ANOS1: variants seen among roughly 807,000 people sequenced by gnomAD.
ANOS1 encodes the protein anosmin-1.
Under a neutral mutation model 59.0 loss-of-function variants are expected in ANOS1, and 6 were observed. That is an observed-to-expected ratio of 0.10 (90% CI 0.06 to 0.20). The LOEUF (loss-of-function observed/expected upper bound fraction) is 0.20. ANOS1 is among the 10% of genes least tolerant of loss of function. The pLI, the probability that ANOS1 is intolerant of heterozygous loss-of-function variation, is 1.00. For synonymous variants in ANOS1, 217 were observed against 223.4 expected (o/e 0.97, Z 0.25); for missense variants, 433 against 542.3 (o/e 0.80, Z 2.00).
chrX:8,587,784 A>T lies in ANOS1; in HGVS notation c.726+10T>A. 8.4e-7 allele frequency: 1 copy of T among 1,188,085 alleles called. No individual in the cohort carries two copies. The highest frequency in any genetic ancestry group is 1.1e-6 in the Non-Finnish European group (1 of 878,411). On this transcript the variant is annotated intron_variant, in intron 5 of 13. Coordinates refer to ENST00000262648, the MANE Select transcript of ANOS1 (RefSeq NM_000216.4). ...CAGGATGAAAATCAAAGTCTATATG[A>T]GGTTCTTACCTGGGCCACTGTCTGC...
At chrX:8,542,226 C>A (rs1929701879) in intron 9 of ANOS1, among the ~76,000 whole-genome samples, 1 of 111,543 alleles carries the variant, frequency 9.0e-6, no homozygotes, top group African/African-American at 3.3e-5. Flanking sequence ...GCTGATGCTC[C>A]CTCCTTCCTC....
At chrX:8,595,639 A>C (rs896477009) in intron 4 of ANOS1, among the ~76,000 whole-genome samples, 15 of 111,949 alleles carry the variant, frequency 1.3e-4, no homozygotes, top group Admixed American at 1.1e-3. Flanking sequence ...CATTTTTTTT[A>C]AGTACCAGTA....
chrX:8,630,786 T>A (rs757897897), intron 2 of ANOS1, among the ~76,000 whole-genome samples: 1 of 112,662 alleles, frequency 8.9e-6, no homozygotes, highest in Non-Finnish European at 1.9e-5. Flanking sequence ...GAACAGAAGA[T>A]GGATTAGAGA....
chrX:8,725,051 T>C (rs1932901081), intron 1 of ANOS1, among the ~76,000 whole-genome samples: 2 of 112,015 alleles, frequency 1.8e-5, no homozygotes, highest in Admixed American at 1.9e-4. Context: ...TGAGCTTAGA[T>C]GATGCCCAGA....
At chrX:8,540,771 C>T (rs1453214913) in intron 9 of ANOS1, among the ~76,000 whole-genome samples, 1 of 108,536 alleles carries the variant, frequency 9.2e-6, no homozygotes, top group Non-Finnish European at 1.9e-5. Context: ...CACTTTGGAA[C>T]CAGAAAAGAA....
At chrX:8,597,659 T>C (rs1475507404) in intron 3 of ANOS1, among the ~76,000 whole-genome samples, 5 of 2,860 alleles carry the variant, frequency 1.7e-3, no homozygotes, top group African/African-American at 4.9e-3. Context: ...TCTTTCTCCC[T>C]TTTTTTTTTT....
rs1057432449 is a variant in ANOS1, at chrX:8,547,381, T to C, written c.1354+6571A>G. Among the ~76,000 whole-genome samples, 27 of 112,034 alleles carry C rather than the reference T, an allele frequency of 2.4e-4. 1 individual carries two copies. The highest frequency in any genetic ancestry group is 8.1e-4 in the African/African-American group (25 of 30,804). ...TCATGTCCTGGGCCAGAAGTGTTCA[T>C]CTTCCCTGGCCAAAAAAAGTAATCC... On this transcript the variant is annotated intron_variant, in intron 9 of 13. Transcript: ENST00000262648.
chrX:8,566,606 G>A (rs1411592499), intron 8 of ANOS1, among the ~76,000 whole-genome samples: 2 of 110,839 alleles, frequency 1.8e-5, no homozygotes, highest in African/African-American at 6.6e-5. Context: ...ATTTCAATGC[G>A]ATGGGTAGAT....
At chrX:8,702,551 C>T (rs1347297032) in intron 1 of ANOS1, among the ~76,000 whole-genome samples, 2 of 111,476 alleles carry the variant, frequency 1.8e-5, no homozygotes, top group Non-Finnish European at 3.8e-5. Flanking sequence ...GCATGTTGCA[C>T]GGTGTGTAGA....
At chrX:8,639,576 T>C (rs941219787) in intron 2 of ANOS1, among the ~76,000 whole-genome samples, 1 of 112,122 alleles carries the variant, frequency 8.9e-6, no homozygotes, top group African/African-American at 3.2e-5. Context: ...ATTTACAGAA[T>C]GCTTCTCTTC....
intron 1 of ANOS1, among the ~76,000 whole-genome samples, chrX:8,721,056 A>G (rs1387374617): frequency 8.9e-6 from 1 of 112,123 alleles, no homozygotes; most frequent in Non-Finnish European, 1.9e-5. Context: ...ATTGGTTAGA[A>G]GAATGAATTG....
intron 2 of ANOS1, among the ~76,000 whole-genome samples, chrX:8,653,022 A>G (rs1253090892): frequency 1.8e-5 from 2 of 108,799 alleles, no homozygotes; most frequent in Non-Finnish European, 3.8e-5. Flanking sequence ...CACTCGGCTA[A>G]TTTTTGTATT....
chrX:8,548,763 G>A (rs1929810112), intron 9 of ANOS1, among the ~76,000 whole-genome samples: 1 of 112,254 alleles, frequency 8.9e-6, no homozygotes, highest in Non-Finnish European at 1.9e-5. Context: ...GTTTTGGCCA[G>A]CCACAAAGAG....
chrX:8,558,065 C>T (rs893197567), intron 8 of ANOS1, among the ~76,000 whole-genome samples: 5 of 110,145 alleles, frequency 4.5e-5, no homozygotes, highest in East Asian at 2.9e-4. Flanking sequence ...AGCAAACTAA[C>T]GCAGGAACAG....
At chrX:8,554,600 G>C (rs1929919749) in intron 8 of ANOS1, among the ~76,000 whole-genome samples, 1 of 87,870 alleles carries the variant, frequency 1.1e-5, no homozygotes, top group African/African-American at 4.4e-5. Flanking sequence ...ATGGAGTCTC[G>C]CTCTGTCGCC....
intron 6 of ANOS1, among the ~76,000 whole-genome samples, chrX:8,574,802 T>A (rs1930293374): frequency 9.0e-6 from 1 of 111,532 alleles, no homozygotes; most frequent in African/African-American, 3.3e-5. Context: ...CTTGGGATTG[T>A]GTGAGTCAAT....
At chrX:8,583,589 C>T (rs754375381) in intron 6 of ANOS1, among the ~76,000 whole-genome samples, 20 of 111,436 alleles carry the variant, frequency 1.8e-4, no homozygotes, top group East Asian at 5.6e-4. Context: ...GTTAAACTCC[C>T]GTCATTCTAG....
chrX:8,601,101 G>A (rs1930833868), intron 3 of ANOS1, among the ~76,000 whole-genome samples: 1 of 107,152 alleles, frequency 9.3e-6, no homozygotes, highest in South Asian at 4.3e-4. Context: ...GCTGAGGCAG[G>A]AGAATGGCAT....
rs183256537 is a variant in ANOS1, at chrX:8,543,527, G to A, written c.1355-3769C>T. Among the ~76,000 whole-genome samples, 774 of 110,880 alleles carry A rather than the reference G, an allele frequency of 7.0e-3. 7 individuals are homozygous for A. The highest frequency in any genetic ancestry group is 0.024 in the African/African-American group (731 of 30,454). On this transcript the variant is annotated intron_variant, in intron 9 of 13. Transcript: ENST00000262648. ...TAAAATCCTAAGAGCTTGTATTTTA[G>A]GTTATGACTGCAGGTCTCAATCTGT...
Sources: allele counts gnomAD v4.1 joint callset (sites outside exome capture counted in the v4.1 genomes callset), GRCh38; gene constraint gnomAD v4.1.1; transcripts MANE v1.5; gene names NCBI Gene and HGNC (gene_info 2026-07-23, HGNC 2026-07-21).